PTPRM: variants seen among roughly 807,000 people sequenced by gnomAD.
PTPRM encodes protein tyrosine phosphatase receptor type M, also known as receptor-type tyrosine-protein phosphatase mu.
Under a neutral mutation model 186.7 loss-of-function variants are expected in PTPRM, and 47 were observed. The observed-to-expected ratio is 0.25, with a 90% CI of 0.20 to 0.32. The LOEUF is 0.32. Among genes scored for constraint, PTPRM ranks in the 10% least tolerant of loss-of-function variants. The probability of loss-of-function intolerance (pLI) is 1.00; values close to 1 mark genes in which losing one functional copy is unlikely to be tolerated. For missense variants in PTPRM, 1,494 were observed against 1,865.0 expected (o/e 0.80, Z 3.66); for synonymous variants, 668 against 674.9 (o/e 0.99, Z 0.16).
At chr18:8,153,057 T>C (rs2093046914) in intron 14 of PTPRM, among the ~76,000 whole-genome samples, 1 of 152,178 alleles carries the variant, frequency 6.6e-6, no homozygotes, top group South Asian at 2.1e-4. Context: ...TCAATGTGTA[T>C]GTAGATAGCT....
chr18:8,400,108 G>C (rs531786278), intron 32 of PTPRM, among the ~76,000 whole-genome samples: 2 of 152,196 alleles, frequency 1.3e-5, no homozygotes, highest in Non-Finnish European at 2.9e-5. Flanking sequence ...CACTGTGTGT[G>C]TGAGCTTCAT....
chr18:7,743,714 T>C (rs1329484260), intron 1 of PTPRM, among the ~76,000 whole-genome samples: 1 of 152,218 alleles, frequency 6.6e-6, no homozygotes. Flanking sequence ...AAGGAGTTTA[T>C]ACGTAGTGTA....
intron 22 of PTPRM, among the ~76,000 whole-genome samples, chr18:8,341,687 C>CCG (rs1255016767): frequency 6.6e-6 from 1 of 151,736 alleles, no homozygotes; most frequent in Non-Finnish European, 1.5e-5. Context: ...GTGAAGCCCC[C>CCG]CCCCCTTTGA....
chr18:8,325,880 G>A (rs766729587), intron 22 of PTPRM, among the ~76,000 whole-genome samples: 4 of 152,152 alleles, frequency 2.6e-5, no homozygotes, highest in African/African-American at 9.7e-5. Context: ...TCTAATTGGT[G>A]TGAGATGGTA....
intron 27 of PTPRM, 68 bp from the exon 28 acceptor site, chr18:8,379,099 A>T: frequency 7.2e-7 from 1 of 1,385,960 alleles, no homozygotes; most frequent in Non-Finnish European, 9.7e-7. Flanking sequence ...CATCTTTCGA[A>T]AACTGCACGT....
intron 2 of PTPRM, among the ~76,000 whole-genome samples, chr18:7,800,438 CA>C (rs1316277336): frequency 1.3e-5 from 2 of 152,116 alleles, no homozygotes; most frequent in Non-Finnish European, 2.9e-5. Context: ...TGGCTGAGGG[CA>C]AGGTCAGATG....
At chr18:8,067,035 C>G (rs977295923) in intron 7 of PTPRM, among the ~76,000 whole-genome samples, 1 of 152,194 alleles carries the variant, frequency 6.6e-6, no homozygotes, top group African/African-American at 2.4e-5. Context: ...CTGAATGATG[C>G]AGACTTATTT....
At chr18:7,943,206 C>T (rs1029691212) in intron 5 of PTPRM, among the ~76,000 whole-genome samples, 2 of 152,100 alleles carry the variant, frequency 1.3e-5, no homozygotes, top group African/African-American at 4.8e-5. Context: ...CTGTCATTCC[C>T]CCGCTCTTCT....
At chr18:7,760,500 C>T (rs1374104) in intron 1 of PTPRM, among the ~76,000 whole-genome samples, 12,034 of 152,138 alleles carry the variant, frequency 0.079, 1,163 homozygotes, top group African/African-American at 0.23. Context: ...GGTTCGCCCT[C>T]GTGGGCTGAG....
intron 2 of PTPRM, chr18:7,814,189 G>A (rs1213979270): frequency 6.6e-6 from 1 of 152,318 alleles, no homozygotes. Flanking sequence ...GGTGCTGAGA[G>A]GGGTGTTTGC....
chr18:8,406,099 T>G lies in PTPRM; in HGVS notation c.4345-10T>G. On this transcript the variant is annotated splice_polypyrimidine_tract_variant and intron_variant, in intron 32 of 32. Transcript: ENST00000580170. ...TTCTTGAGCTGACACTTTCCCCTCC[T>G]GTTTTCCAGGATCAGTACAAGTTCT... The G allele has an allele frequency of 6.2e-7, 1 of 1,614,022 alleles. No homozygotes were observed. Among genetic ancestry groups the G allele is most frequent in the Non-Finnish European group, 8.5e-7 (1 of 1,179,850 alleles).
chr18:8,185,294 A>G (rs2093627439), intron 14 of PTPRM, among the ~76,000 whole-genome samples: 1 of 152,140 alleles, frequency 6.6e-6, no homozygotes. Flanking sequence ...CTGGCTGGGT[A>G]TTCTTGCACC....
chr18:7,855,326 C>G (rs1353666734), intron 2 of PTPRM, among the ~76,000 whole-genome samples: 1 of 152,184 alleles, frequency 6.6e-6, no homozygotes, highest in Non-Finnish European at 1.5e-5. Context: ...CAGCATGGGC[C>G]TGTGGCTCAG....
At chr18:7,708,784 C>T (rs1004444548) in intron 1 of PTPRM, among the ~76,000 whole-genome samples, 11 of 151,906 alleles carry the variant, frequency 7.2e-5, no homozygotes, top group Non-Finnish European at 1.0e-4. Context: ...AATACTGTGA[C>T]GGTTATGATG....
At chr18:7,933,201 T>C (rs2051591873) in intron 5 of PTPRM, among the ~76,000 whole-genome samples, 1 of 152,196 alleles carries the variant, frequency 6.6e-6, no homozygotes, top group Non-Finnish European at 1.5e-5. Context: ...GGAGTAGTGA[T>C]GATGGCAATT....
intron 23 of PTPRM, among the ~76,000 whole-genome samples, chr18:8,346,029 A>G (rs1219813813): frequency 6.6e-6 from 1 of 152,258 alleles, no homozygotes; most frequent in Non-Finnish European, 1.5e-5. Context: ...TTCCAGAGCA[A>G]TATTTTATAT....
chr18:8,097,047 GA>G (rs1189530691), intron 11 of PTPRM, among the ~76,000 whole-genome samples: 2 of 152,036 alleles, frequency 1.3e-5, no homozygotes, highest in African/African-American at 4.8e-5. Context: ...GATACAGAAG[GA>G]ATTATGTTTT....
chr18:8,172,323 A>G (rs2093414685), intron 14 of PTPRM, among the ~76,000 whole-genome samples: 1 of 147,280 alleles, frequency 6.8e-6, no homozygotes, highest in African/African-American at 2.5e-5. Context: ...CAACTCATTC[A>G]GGGTATAGAT....
chr18:7,717,614 G>A (rs1336153344), intron 1 of PTPRM, among the ~76,000 whole-genome samples: 1 of 152,220 alleles, frequency 6.6e-6, no homozygotes, highest in Non-Finnish European at 1.5e-5. Context: ...GCTGCCTCAT[G>A]CGAAAAGGCA....
Sources: gnomAD v4.1 joint callset for allele counts (sites outside exome capture counted in the v4.1 genomes callset) on GRCh38, gnomAD v4.1.1 for gene constraint, MANE v1.5 for transcripts, NCBI Gene and HGNC (gene_info 2026-07-23, HGNC 2026-07-21) for gene names.